MSH3: variants seen among roughly 807,000 people sequenced by gnomAD.
The protein encoded by MSH3 is DNA mismatch repair protein Msh3.
Under a neutral mutation model 123.3 loss-of-function variants are expected in MSH3, and 106 were observed. The ratio of observed to expected loss-of-function variants is 0.86; its 90% CI spans 0.73 to 1.01. MSH3 has a LOEUF of 1.01. Ranked by LOEUF, MSH3 falls within the 50% of genes least tolerant of loss-of-function variation. MSH3 has a pLI of 0.00. For missense variants in MSH3, 1,459 were observed against 1,347.6 expected, an observed-to-expected ratio of 1.08 and a Z score of -1.29; for synonymous variants, 515 against 481.4, an observed-to-expected ratio of 1.07 and a Z score of -0.91.
chr5:80,697,129 C>T (rs748734339), intron 8 of MSH3, among the ~76,000 whole-genome samples: 9 of 152,240 alleles, frequency 5.9e-5, no homozygotes, highest in South Asian at 4.2e-4. Context: ...TTCCTTCTTA[C>T]GAAGCTTGCC....
intron 2 of MSH3, among the ~76,000 whole-genome samples, chr5:80,664,737 C>T: frequency 6.6e-6 from 1 of 152,036 alleles, no homozygotes; most frequent in East Asian, 1.9e-4. Flanking sequence ...TTAGAGTTGG[C>T]TCTTGGTTTT....
At chr5:80,869,030 A>G (rs1374643556) in intron 22 of MSH3, among the ~76,000 whole-genome samples, 1 of 152,156 alleles carries the variant, frequency 6.6e-6, no homozygotes, top group Non-Finnish European at 1.5e-5. Context: ...GGCTTCTATA[A>G]TACTCTATTT....
At chr5:80,871,028 T>C (rs1746204374) in intron 22 of MSH3, among the ~76,000 whole-genome samples, 2 of 152,242 alleles carry the variant, frequency 1.3e-5, no homozygotes, top group Non-Finnish European at 2.9e-5. Flanking sequence ...ATAATTATTG[T>C]ACTTCATTAT....
At chr5:80,677,624 T>A (rs1281849294) in intron 7 of MSH3, among the ~76,000 whole-genome samples, 1 of 152,196 alleles carries the variant, frequency 6.6e-6, no homozygotes, top group African/African-American at 2.4e-5. Flanking sequence ...ACCCATAAGA[T>A]CCCTGGGTGT....
intron 22 of MSH3, among the ~76,000 whole-genome samples, chr5:80,871,195 T>C (rs1580103083): frequency 6.6e-6 from 1 of 152,192 alleles, no homozygotes; most frequent in South Asian, 2.1e-4. Flanking sequence ...TGCAGAGAAC[T>C]CTGAGGCTAG....
At chr5:80,810,620 C>A (rs908927543) in intron 19 of MSH3, among the ~76,000 whole-genome samples, 2 of 152,264 alleles carry the variant, frequency 1.3e-5, no homozygotes, top group Admixed American at 1.3e-4. Flanking sequence ...ACATGTCAAT[C>A]TGTTTCTGTG....
Position 80,779,611 on chromosome 5 carries a change from C to T in MSH3, c.2435+775C>T, listed in dbSNP as rs191941277. Among the ~76,000 whole-genome samples the T allele has an allele frequency of 1.8e-3, 266 of 145,768 alleles. 1 individual carries two copies. Among genetic ancestry groups the T allele is most frequent in the African/African-American group, 6.6e-3 (258 of 39,186 alleles). ...TGTCACCCAGGCTGGAGTGCAGTGGCGCAATCTTGGCTCACTGCAAGCTCT... is the reference window on the plus strand; with the variant it reads ...TGTCACCCAGGCTGGAGTGCAGTGGTGCAATCTTGGCTCACTGCAAGCTCT... On this transcript the variant is annotated intron_variant, in intron 17 of 23. Coordinates refer to ENST00000265081, the MANE Select transcript of MSH3 (RefSeq NM_002439.5).
At chr5:80,655,245 G>A (rs1749242312) in intron 1 of MSH3, 1 of 317,318 alleles carries the variant, frequency 3.2e-6, no homozygotes, top group Non-Finnish European at 5.7e-6. Flanking sequence ...TTCTGATGAG[G>A]GGGCTTGTGG....
rs1750679041 is a variant in MSH3, at chr5:80,704,600, A to C, written c.1341-20853A>C. Among the ~76,000 whole-genome samples the C allele has an allele frequency of 3.3e-5, 5 of 152,268 alleles. No homozygotes were observed. In the South Asian group the frequency reaches 1.0e-3, roughly 32 times the overall value. ...CTTTTTGCCTGGTAAGCCCATCCTT[A>C]TGTGTAAAAATCAGGATTTAGATGT... On this transcript the variant is annotated intron_variant, in intron 8 of 23. Coordinates refer to ENST00000265081, the MANE Select transcript of MSH3 (RefSeq NM_002439.5).
intron 20 of MSH3, among the ~76,000 whole-genome samples, chr5:80,835,809 G>T (rs245379): frequency 0.7 from 106,838 of 151,768 alleles, 37,616 homozygotes; most frequent in South Asian, 0.8. Context: ...CAGCTACTCG[G>T]GAGGCTGAGG....
At chr5:80,869,636 T>C (rs1746169084) in intron 22 of MSH3, among the ~76,000 whole-genome samples, 1 of 151,884 alleles carries the variant, frequency 6.6e-6, no homozygotes, top group Non-Finnish European at 1.5e-5. Flanking sequence ...AATGATACAC[T>C]CAGCAACTGT....
chr5:80,768,223 A>T (rs1744157038), intron 14 of MSH3, 103 bp downstream of exon 14: 2 of 1,038,220 alleles, frequency 1.9e-6, no homozygotes, highest in African/African-American at 3.2e-5. Context: ...TAATAATAGA[A>T]GTTGCATGAG....
chr5:80,835,929 A>G (rs1276143241), intron 20 of MSH3, among the ~76,000 whole-genome samples: 1 of 152,094 alleles, frequency 6.6e-6, no homozygotes, highest in African/African-American at 2.4e-5. Context: ...AAGAAAGAAA[A>G]TATTAATACT....
At chr5:80,829,881 G>A (rs1745389452) in intron 20 of MSH3, among the ~76,000 whole-genome samples, 1 of 152,046 alleles carries the variant, frequency 6.6e-6, no homozygotes, top group Non-Finnish European at 1.5e-5. Flanking sequence ...TATTTTAGAA[G>A]GTTAATACTT....
At chr5:80,769,846 G>A (rs1217408052) in intron 15 of MSH3, among the ~76,000 whole-genome samples, 3 of 152,028 alleles carry the variant, frequency 2.0e-5, no homozygotes, top group African/African-American at 7.2e-5. Flanking sequence ...TGTTTTGTGT[G>A]TTTTGCCAAA....
At chr5:80,733,227 A>C (rs1340282249) in intron 10 of MSH3, among the ~76,000 whole-genome samples, 4 of 152,210 alleles carry the variant, frequency 2.6e-5, no homozygotes, top group Non-Finnish European at 5.9e-5. Flanking sequence ...AATTCAGTGG[A>C]GAAAGAATAG....
intron 8 of MSH3, among the ~76,000 whole-genome samples, chr5:80,694,453 A>C (rs1750424242): frequency 1.3e-5 from 2 of 152,108 alleles, no homozygotes; most frequent in African/African-American, 4.8e-5. Context: ...TTTATAATAT[A>C]ATTACCTTAA....
At position 80,791,205 on chromosome 5, in the gene MSH3, G is replaced by A. The variant is rs186263669; in HGVS notation, c.2544-1528G>A. 3.1e-3 allele frequency among the ~76,000 whole-genome samples: 478 copies of A among 152,250 alleles called. 5 individuals carry two copies. Among genetic ancestry groups the A allele is most frequent in the African/African-American group, 7.3e-3 (304 of 41,564 alleles). ...AGGAGATTGAAAGGATATAGATGAT[G>A]TAGAAATAAAGGTACTCATTTGATT... is the stretch of plus-strand genomic sequence containing the variant. On this transcript the variant is annotated intron_variant, in intron 18 of 23. Transcript: ENST00000265081.
chr5:80,695,782 T>A (rs981304675), intron 8 of MSH3, among the ~76,000 whole-genome samples: 7 of 152,228 alleles, frequency 4.6e-5, no homozygotes, highest in Admixed American at 4.6e-4. Context: ...AATTCTGACA[T>A]CTCTGTTATC....
Sources: gnomAD v4.1 joint callset for allele counts (sites outside exome capture counted in the v4.1 genomes callset) on GRCh38, gnomAD v4.1.1 for gene constraint, MANE v1.5 for transcripts, NCBI Gene and HGNC (gene_info 2026-07-23, HGNC 2026-07-21) for gene names.